The following SLFN12L variants were observed in gnomAD, a reference collection of about 807,000 sequenced individuals.
SLFN12L encodes schlafen family member 12 like.
Under a neutral mutation model 34.8 loss-of-function variants are expected in SLFN12L, and 34 were observed. The ratio of observed to expected loss-of-function variants is 0.98; its 90% confidence interval spans 0.74 to 1.30. The LOEUF (loss-of-function observed/expected upper bound fraction) is 1.30. Ranked by LOEUF, SLFN12L falls within the 50% of genes most tolerant of loss-of-function variation. The pLI is 0.00. For missense variants in SLFN12L, 703 were observed against 696.2 expected, an observed-to-expected ratio of 1.01 and a Z score of -0.11; for synonymous variants, 259 against 247.5, an observed-to-expected ratio of 1.05 and a Z score of -0.44.
intron 2 of SLFN12L, among the ~76,000 whole-genome samples, chr17:35,493,697 C>T (rs1914931495): frequency 1.3e-5 from 2 of 152,164 alleles, no homozygotes; most frequent in African/African-American, 4.8e-5. Flanking sequence ...ATTTGCATTA[C>T]TTTAAGTACA....
intron 2 of SLFN12L, among the ~76,000 whole-genome samples, chr17:35,508,494 C>T (rs1462064757): frequency 6.6e-6 from 1 of 152,226 alleles, no homozygotes; most frequent in Middle Eastern, 3.4e-3. Flanking sequence ...CTACAGACAC[C>T]CGCCACCATG....
At chr17:35,502,067 G>A (rs776668166) in intron 2 of SLFN12L, among the ~76,000 whole-genome samples, 19 of 151,458 alleles carry the variant, frequency 1.3e-4, no homozygotes, top group Admixed American at 1.1e-3. Context: ...GAGAGAGAGA[G>A]ACAGAAAGTC....
At chr17:35,518,354 C>A (rs1384011644) in intron 2 of SLFN12L, among the ~76,000 whole-genome samples, 1 of 152,130 alleles carries the variant, frequency 6.6e-6, no homozygotes, top group African/African-American at 2.4e-5. Flanking sequence ...GAGTTTGAGA[C>A]CACCCTGGCC....
chr17:35,487,966 T>G (rs1331114822), intron 2 of SLFN12L: 1 of 683,298 alleles, frequency 1.5e-6, no homozygotes, highest in African/African-American at 1.8e-5. Flanking sequence ...CCCAGCACTT[T>G]GGGAGGCTGA....
At chr17:35,527,712 A>G (rs1471947340) in intron 1 of SLFN12L, among the ~76,000 whole-genome samples, 1 of 152,168 alleles carries the variant, frequency 6.6e-6, no homozygotes, top group Non-Finnish European at 1.5e-5. Flanking sequence ...TCAAAATAAT[A>G]AGAGCTATTT....
intron 1 of SLFN12L, among the ~76,000 whole-genome samples, chr17:35,528,072 C>A (rs2072355578): frequency 6.6e-6 from 1 of 151,778 alleles, no homozygotes; most frequent in Non-Finnish European, 1.5e-5. Context: ...AGACAGACAG[C>A]CAAATCATGA....
chr17:35,498,617 G>T (rs550200876), intron 2 of SLFN12L: 17 of 1,611,548 alleles, frequency 1.1e-5, no homozygotes, highest in Non-Finnish European at 1.4e-5. Flanking sequence ...CTAGCCAGAA[G>T]GGCGTCATTG....
intron 1 of SLFN12L, among the ~76,000 whole-genome samples, chr17:35,530,980 T>C (rs2072406201): frequency 6.6e-6 from 1 of 152,170 alleles, no homozygotes; most frequent in Admixed American, 6.5e-5. Context: ...TGCCATAACG[T>C]GGCTTAAACA....
chr17:35,523,581 T>C (rs538993087), intron 1 of SLFN12L, among the ~76,000 whole-genome samples: 38 of 152,218 alleles, frequency 2.5e-4, no homozygotes, highest in Admixed American at 6.5e-5. Flanking sequence ...GTCTTCTCTT[T>C]GTCACAGGCA....
chr17:35,514,356 C>G (rs1052693602), intron 2 of SLFN12L, among the ~76,000 whole-genome samples: 1 of 152,210 alleles, frequency 6.6e-6, no homozygotes, highest in African/African-American at 2.4e-5. Flanking sequence ...CAAACACGAT[C>G]AAGTCTCTAT....
intron 1 of SLFN12L, among the ~76,000 whole-genome samples, chr17:35,530,944 G>A (rs2072405735): frequency 6.6e-6 from 1 of 152,132 alleles, no homozygotes; most frequent in Non-Finnish European, 1.5e-5. Context: ...GTCTGCTGGG[G>A]ACATATGGTT....
chr17:35,514,938 CT>C, intron 2 of SLFN12L: 2 of 428,508 alleles, frequency 4.7e-6, no homozygotes. Context: ...TGGTCTACAC[CT>C]TTAGCTAGGA....
intron 2 of SLFN12L, among the ~76,000 whole-genome samples, chr17:35,485,971 G>T (rs1374378200): frequency 3.3e-5 from 5 of 152,156 alleles, no homozygotes; most frequent in Admixed American, 3.3e-4. Flanking sequence ...GTTTAGGATT[G>T]CCTTGGCTAT....
intron 2 of SLFN12L, among the ~76,000 whole-genome samples, chr17:35,482,496 C>T (rs1047985682): frequency 2.0e-5 from 3 of 152,190 alleles, no homozygotes; most frequent in African/African-American, 7.2e-5. Flanking sequence ...ACTGTAGACC[C>T]AGGCCTCCCG....
At chr17:35,477,463 G>A (rs1914087035) in intron 4 of SLFN12L, among the ~76,000 whole-genome samples, 1 of 152,102 alleles carries the variant, frequency 6.6e-6, no homozygotes, top group African/African-American at 2.4e-5. Flanking sequence ...GGGAGAATAT[G>A]CCTTGGGAAA....
rs571043082 is a variant in SLFN12L at position 35,532,474 on chromosome 17, T to C, written c.-606+5099A>G. Among the ~76,000 whole-genome samples the C allele has an allele frequency of 2.2e-3, 338 of 150,382 alleles. 1 individual carries two copies. Among genetic ancestry groups the C allele is most frequent in the Non-Finnish European group, 3.9e-3 (265 of 67,692 alleles). ...AAAAAAAAGGCACAAAAGCAAAGCT[T>C]GTTTAATAAAAAATTGATAGTGCAG... On this transcript the variant is annotated intron_variant, in intron 1 of 4. Coordinates refer to ENST00000628453, the MANE Select transcript of SLFN12L (RefSeq NM_001363830.2).
At chr17:35,520,134 C>T (rs1354603406) in intron 2 of SLFN12L, among the ~76,000 whole-genome samples, 1 of 152,206 alleles carries the variant, frequency 6.6e-6, no homozygotes, top group African/African-American at 2.4e-5. Context: ...CAAGCTTTTT[C>T]TTTTCTTCTA....
At chr17:35,477,892 C>A in intron 4 of SLFN12L, 183 bp downstream of exon 4, 1 of 483,898 alleles carries the variant, frequency 2.1e-6, no homozygotes. Context: ...ACGAACAATT[C>A]TACCCCTACT....
At chr17:35,476,487 AAGGAAGGAAGGAAGG>A (rs1914019563) in intron 4 of SLFN12L, among the ~76,000 whole-genome samples, 2 of 144,598 alleles carry the variant, frequency 1.4e-5, no homozygotes, top group Non-Finnish European at 3.0e-5. Flanking sequence ...GGAAGGAAGG[AAGGAAGGAAGGAAGG>A]AAGGAAGGAA....
Sources: gnomAD v4.1 joint callset for allele counts (sites outside exome capture counted in the v4.1 genomes callset) on GRCh38, gnomAD v4.1.1 for gene constraint, MANE v1.5 for transcripts, NCBI Gene and HGNC (gene_info 2026-07-23, HGNC 2026-07-21) for gene names.